The following DCTN4 variants were observed in gnomAD, a reference collection of about 807,000 sequenced individuals.
DCTN4 encodes the protein dynactin subunit 4, also known as dynactin 4 (p62).
In DCTN4, 23 loss-of-function variants were observed where a neutral mutation model predicts 62.7. The observed-to-expected ratio is 0.37, with a 90% confidence interval of 0.26 to 0.52. The LOEUF is 0.52. DCTN4 is among the 20% of genes least tolerant of loss of function. The probability of loss-of-function intolerance (pLI) is 0.92; values close to 1 mark genes in which losing one functional copy is unlikely to be tolerated. For missense variants in DCTN4, 514 were observed against 580.4 expected, an observed-to-expected ratio of 0.89 and a Z score of 1.18; for synonymous variants, 199 against 202.1, an observed-to-expected ratio of 0.98 and a Z score of 0.13.
At chr5:150,716,262 A>G (rs953608580) in intron 11 of DCTN4, among the ~76,000 whole-genome samples, 1 of 151,104 alleles carries the variant, frequency 6.6e-6, no homozygotes, top group Non-Finnish European at 1.5e-5. Flanking sequence ...ATTATTCCTC[A>G]TTTTTTTTTG....
At chr5:150,721,428 T>C (rs1169360958) in intron 9 of DCTN4, among the ~76,000 whole-genome samples, 1 of 152,174 alleles carries the variant, frequency 6.6e-6, no homozygotes, top group Admixed American at 6.5e-5. Context: ...ACAGTACTGT[T>C]GGGTTAAAAG....
chr5:150,715,673 A>G lies in DCTN4; in HGVS notation c.1072-11T>C. The G allele has an allele frequency of 6.2e-7, 1 of 1,612,216 alleles. No individual in the cohort carries two copies. Among genetic ancestry groups the G allele is most frequent in the Non-Finnish European group, 8.5e-7 (1 of 1,178,244 alleles). ...GGGAGGCACCACCACCTGGAGAGCA[A>G]CACAGAGAGGCCTGCCTGAGAAGGG... On this transcript the variant is annotated splice_polypyrimidine_tract_variant and intron_variant, in intron 11 of 12. Transcript: ENST00000447998.
intron 4 of DCTN4, among the ~76,000 whole-genome samples, chr5:150,740,622 C>T (rs1760732851): frequency 6.6e-6 from 1 of 152,170 alleles, no homozygotes; most frequent in Admixed American, 6.5e-5. Flanking sequence ...CAGCACAATT[C>T]ACAGCCGCAA....
At chr5:150,730,001 T>G (rs1314442885) in intron 8 of DCTN4, among the ~76,000 whole-genome samples, 1 of 151,992 alleles carries the variant, frequency 6.6e-6, no homozygotes, top group Non-Finnish European at 1.5e-5. Context: ...TTAAGTAACA[T>G]TAGCCACTAG....
At chr5:150,723,935 A>G (rs540824150) in intron 8 of DCTN4, among the ~76,000 whole-genome samples, 1 of 152,330 alleles carries the variant, frequency 6.6e-6, no homozygotes, top group African/African-American at 2.4e-5. Context: ...CAATTTCTAT[A>G]ACTTACATAA....
intron 3 of DCTN4, among the ~76,000 whole-genome samples, chr5:150,746,455 T>C (rs1232058909): frequency 1.3e-5 from 2 of 152,238 alleles, no homozygotes; most frequent in East Asian, 1.9e-4. Flanking sequence ...AGCATCATCC[T>C]GATACCAAAG....
At chr5:150,755,717 T>C in intron 2 of DCTN4, 1 of 342,808 alleles carries the variant, frequency 2.9e-6, no homozygotes, top group Non-Finnish European at 5.7e-6. Flanking sequence ...TCTAGAGACA[T>C]AACTATAAAT....
In DCTN4 at chr5:150,753,161, G is replaced by A. The variant is rs562190912; in HGVS notation, c.385+318C>T. On this transcript the variant is annotated intron_variant, in intron 3 of 12. Coordinates refer to ENST00000447998, the MANE Select transcript of DCTN4 (RefSeq NM_016221.4). ...ATTACAGGCGTGAGCCACCGTGCCCGGCCTTATCTTTTAGTTTTATCCATG... is the reference window on the plus strand; with the variant it reads ...ATTACAGGCGTGAGCCACCGTGCCCAGCCTTATCTTTTAGTTTTATCCATG... Among the ~76,000 whole-genome samples the A allele has an allele frequency of 1.3e-4, 20 of 152,220 alleles. No homozygotes were observed. The East Asian group carries it at 3.1e-3, about 23-fold the overall frequency.
intron 3 of DCTN4, among the ~76,000 whole-genome samples, chr5:150,744,178 GA>G: frequency 6.6e-6 from 1 of 152,340 alleles, no homozygotes; most frequent in South Asian, 2.1e-4. Context: ...TCAACTGGAA[GA>G]AAGGGTATCA....
chr5:150,753,096 A>G (rs1020859360), intron 3 of DCTN4, among the ~76,000 whole-genome samples: 4 of 152,054 alleles, frequency 2.6e-5, no homozygotes, highest in Non-Finnish European at 4.4e-5. Flanking sequence ...CGATCTCCTG[A>G]CCTTGTGATC....
chr5:150,740,302 C>A lies in DCTN4; in HGVS notation c.429+1812G>T, dbSNP rs890671367. Among the ~76,000 whole-genome samples the A allele has an allele frequency of 4.6e-5, 7 of 151,072 alleles. No homozygotes were observed. In the East Asian group the frequency reaches 9.7e-4, roughly 21 times the overall value. On this transcript the variant is annotated intron_variant, in intron 4 of 12. Coordinates refer to ENST00000447998, the MANE Select transcript of DCTN4 (RefSeq NM_016221.4). ...TTCTCAAAGATACACAAATGGCCAA[C>A]AAACATATTTAAAAAAATGGTCAAC...
In DCTN4 at chr5:150,711,129, C is replaced by G; in HGVS notation, c.*20G>C. On this transcript the variant is annotated 3_prime_UTR_variant, in exon 13 of 13. Coordinates refer to ENST00000447998, the MANE Select transcript of DCTN4 (RefSeq NM_016221.4). The stretch of plus-strand genomic sequence containing the variant: ...TTACGGTGATACTGTCCTTTGGGAT[C>G]TGCCCTCCAGTGGAACCTTTTAAGG... The G allele has an allele frequency of 1.9e-6, 3 of 1,608,722 alleles. No individual in the cohort carries two copies. Among genetic ancestry groups the G allele is most frequent in the African/African-American group, 2.7e-5 (2 of 74,916 alleles).
At chr5:150,715,283 TG>T (rs1383705348) in intron 12 of DCTN4, among the ~76,000 whole-genome samples, 2 of 152,162 alleles carry the variant, frequency 1.3e-5, no homozygotes, top group East Asian at 3.9e-4. Flanking sequence ...TATATTCAAG[TG>T]AAAAAGGCTA....
chr5:150,714,155 T>G (rs1346887792), intron 12 of DCTN4, among the ~76,000 whole-genome samples: 1 of 152,122 alleles, frequency 6.6e-6, no homozygotes, highest in Non-Finnish European at 1.5e-5. Flanking sequence ...TGTGCCAGTT[T>G]ACTAAGCTAT....
chr5:150,728,238 CTTG>C lies in DCTN4; in HGVS notation c.834+2390_834+2392del, dbSNP rs1581577036. On this transcript the variant is annotated intron_variant, in intron 8 of 12. Transcript: ENST00000447998. ...AGTATAAATGTGACTTAAATCTTTT[CTTG>C]TTAATAAAAACTTTCTTTTAACTGA... Among the ~76,000 whole-genome samples, 3 of 152,214 alleles carry C rather than the reference CTTG, an allele frequency of 2.0e-5. No individual in the cohort carries two copies. In the East Asian group the frequency reaches 5.8e-4, roughly 29 times the overall value.
chr5:150,749,586 C>T (rs149430457), intron 3 of DCTN4, among the ~76,000 whole-genome samples: 1,906 of 151,888 alleles, frequency 0.013, 13 homozygotes, highest in Non-Finnish European at 0.018. Context: ...GAGGCTGAGG[C>T]AGGAGAACTG....
chr5:150,735,825 GA>G (rs1180874428), intron 4 of DCTN4, among the ~76,000 whole-genome samples: 1 of 143,106 alleles, frequency 7.0e-6, no homozygotes, highest in African/African-American at 2.6e-5. Flanking sequence ...TGAATTGTCA[GA>G]AAAAAAATTT....
chr5:150,728,813 T>C (rs911747542), intron 8 of DCTN4, among the ~76,000 whole-genome samples: 42 of 152,240 alleles, frequency 2.8e-4, no homozygotes, highest in African/African-American at 1.0e-3. Flanking sequence ...AAGCATTTAG[T>C]TCATTGGTAT....
chr5:150,752,072 T>C (rs1752695331), intron 3 of DCTN4, among the ~76,000 whole-genome samples: 3 of 152,184 alleles, frequency 2.0e-5, no homozygotes. Context: ...TTAAAATGTT[T>C]TTAGAAAATT....
Sources: allele counts gnomAD v4.1 joint callset (sites outside exome capture counted in the v4.1 genomes callset), GRCh38; gene constraint gnomAD v4.1.1; transcripts MANE v1.5; gene names NCBI Gene and HGNC (gene_info 2026-07-23, HGNC 2026-07-21).